MIB1: variants seen among roughly 807,000 people sequenced by gnomAD.
MIB1 encodes MIB E3 ubiquitin protein ligase 1, also known as E3 ubiquitin-protein ligase MIB1.
MIB1 carries 278 observed loss-of-function variants against 124.5 expected under a neutral mutation model. The ratio of observed to expected loss-of-function variants is 2.23; its 90% CI spans 2.02 to 2.47. The LOEUF is 2.47. MIB1 is among the 30% of genes most tolerant of loss of function. The pLI is 0.00. For synonymous variants in MIB1, 446 were observed against 429.4 expected (o/e 1.04, Z -0.48); for missense variants, 957 against 1,254.4 (o/e 0.76, Z 3.58).
chr18:21,862,262 A>C (rs1259377268), intron 20 of MIB1, among the ~76,000 whole-genome samples: 1 of 152,208 alleles, frequency 6.6e-6, no homozygotes, highest in Non-Finnish European at 1.5e-5. Context: ...TTAAGACAAA[A>C]ATGTGACAGT....
chr18:21,757,673 A>T (rs953214568), intron 1 of MIB1, among the ~76,000 whole-genome samples: 8 of 150,360 alleles, frequency 5.3e-5, no homozygotes, highest in African/African-American at 2.0e-4. Flanking sequence ...TTTAGTAGAG[A>T]CAGGGTTTCA....
At chr18:21,780,153 T>C (rs1446417198) in intron 6 of MIB1, among the ~76,000 whole-genome samples, 1 of 152,186 alleles carries the variant, frequency 6.6e-6, no homozygotes, top group Non-Finnish European at 1.5e-5. Context: ...GGGATACATG[T>C]GATATTTTCA....
chr18:21,733,315 G>A lies in MIB1; in HGVS notation n.167+28192G>A, dbSNP rs545031271. 7.9e-4 allele frequency among the ~76,000 whole-genome samples: 120 copies of A among 152,158 alleles called. No individual in the cohort carries two copies. In the South Asian group the frequency reaches 9.7e-3, roughly 12 times the overall value. The stretch of plus-strand genomic sequence containing the variant: ...GAGATGTTTATAATATTTTTTTGTG[G>A]GGGTTCATACTTTCCTACAGCCTTG... On this transcript the variant is annotated intron_variant and non_coding_transcript_variant, in intron 1 of 20. Coordinates refer to the MIB1 transcript ENST00000578646.
At chr18:21,773,838 C>A in intron 4 of MIB1, 110 bp downstream of exon 4, 1 of 619,510 alleles carries the variant, frequency 1.6e-6, no homozygotes, top group Non-Finnish European at 2.7e-6. Flanking sequence ...AGAACCTTTA[C>A]GTTTTTACTA....
At chr18:21,722,100 G>A (rs2146358776) in intron 1 of MIB1, among the ~76,000 whole-genome samples, 1 of 152,156 alleles carries the variant, frequency 6.6e-6, no homozygotes, top group East Asian at 1.9e-4. Flanking sequence ...TGTTGCCCAG[G>A]CTGGAGTGCA....
intron 5 of MIB1, 118 bp from the exon 6 acceptor site, chr18:21,779,363 C>T (rs1434544718): frequency 2.6e-6 from 2 of 779,420 alleles, no homozygotes; most frequent in Admixed American, 5.1e-5. Flanking sequence ...TTCTCAAGAC[C>T]TTTTAAAACT....
Position 21,803,977 on chromosome 18 carries a change from A to G in MIB1, c.1442A>G (p.Lys481Arg). 2 of 1,613,764 alleles carry G rather than the reference A, an allele frequency of 1.2e-6. No homozygotes were observed. Among genetic ancestry groups the G allele is most frequent in the Non-Finnish European group, 1.7e-6 (2 of 1,179,842 alleles). ...ASQNGHVDIL[K>R]LLLKQNVDVE... ...CAGAATGGACATGTTGACATTTTGA[A>G]GTTACTTTTGAAGCAAAACGTGGAT... Residue 481 changes from lysine to arginine, a missense_variant, in exon 10 of 21, where the codon AAG becomes AGG. By Grantham distance (26) the Lys-to-Arg change is conservative (BLOSUM62 2). Transcript: ENST00000261537.
intron 1 of MIB1, among the ~76,000 whole-genome samples, chr18:21,724,727 AATATATATAT>A (rs60650753): frequency 0.024 from 419 of 17,350 alleles, 10 homozygotes; most frequent in Non-Finnish European, 0.038. Flanking sequence ...AAAAAAAAAA[AATATATATAT>A]ATATATATAT....
chr18:21,729,397 C>T (rs541797538), intron 1 of MIB1, among the ~76,000 whole-genome samples: 105 of 152,218 alleles, frequency 6.9e-4, no homozygotes, highest in Non-Finnish European at 1.2e-3. Flanking sequence ...GACTTGATGT[C>T]TGATGAGGGC....
chr18:21,844,437 T>G (rs2042118337), intron 15 of MIB1, among the ~76,000 whole-genome samples, 184 bp downstream of exon 15: 1 of 152,134 alleles, frequency 6.6e-6, no homozygotes. Context: ...TTACCAAAAG[T>G]TGTTCAGTTC....
At chr18:21,709,204 G>A (rs1161140801) in intron 1 of MIB1, among the ~76,000 whole-genome samples, 1 of 151,524 alleles carries the variant, frequency 6.6e-6, no homozygotes, top group African/African-American at 2.4e-5. Flanking sequence ...TGTGGTCTCA[G>A]CTACTCAGGA....
At chr18:21,858,780 T>TAATA (rs1320146819) in intron 20 of MIB1, 134 bp downstream of exon 20, 1 of 551,988 alleles carries the variant, frequency 1.8e-6, no homozygotes, top group African/African-American at 1.9e-5. Context: ...TTGCAATGAG[T>TAATA]AATAATCTGA....
intron 1 of MIB1, among the ~76,000 whole-genome samples, chr18:21,763,636 A>T (rs2041124482): frequency 6.6e-6 from 1 of 151,976 alleles, no homozygotes; most frequent in African/African-American, 2.4e-5. Context: ...TCAGTTTATT[A>T]TACTGTTTAA....
At chr18:21,768,790 T>G in intron 3 of MIB1, 38 bp downstream of exon 3, 1 of 1,556,226 alleles carries the variant, frequency 6.4e-7, no homozygotes, top group East Asian at 2.3e-5. Context: ...TATTCTAGAG[T>G]ATTATATGTT....
At chr18:21,853,250 A>T in intron 18 of MIB1, 32 bp downstream of exon 18, 2 of 1,435,168 alleles carry the variant, frequency 1.4e-6, no homozygotes, top group Non-Finnish European at 1.9e-6. Flanking sequence ...CCTCAATATT[A>T]TTATAAAAAT....
chr18:21,744,368 G>T (rs1568183444), intron 1 of MIB1, among the ~76,000 whole-genome samples: 1 of 152,076 alleles, frequency 6.6e-6, no homozygotes, highest in Non-Finnish European at 1.5e-5. Flanking sequence ...ACTAGTAAGA[G>T]TTGCCTTTTG....
chr18:21,869,973 T>C lies in MIB1; in HGVS notation c.*5307T>C, dbSNP rs991146358. The C allele has an allele frequency of 1.3e-5, 2 of 152,356 alleles. No homozygotes were observed. The highest frequency in any genetic ancestry group is 2.9e-5 in the Non-Finnish European group (2 of 67,940). The allele number at this position is 152,356 out of a possible 1,614,324, so 9.4% of individuals were successfully genotyped here. ...AGCAAATTCAATGATAGCAGTTCAATTGACTCATAGCAGTGTTTTGTATTT... is the reference window on the plus strand; with the variant it reads ...AGCAAATTCAATGATAGCAGTTCAACTGACTCATAGCAGTGTTTTGTATTT... On this transcript the variant is annotated 3_prime_UTR_variant, in exon 21 of 21. Transcript: ENST00000261537.
Position 21,773,657 on chromosome 18 carries a change from C to G in MIB1, c.565C>G (p.Pro189Ala), listed in dbSNP as rs1175188523. 6.8e-6 allele frequency: 11 copies of G among 1,609,330 alleles called. No homozygotes were observed. Among genetic ancestry groups the G allele is most frequent in the Non-Finnish European group, 8.5e-6 (10 of 1,178,212 alleles). Reference protein sequence around the residue: ...TEIQDWSASSPHSAAYVLWDN... With the variant: ...TEIQDWSASSAHSAAYVLWDN... ...AATCCAGGACTGGAGTGCATCAAGC[C>G]CACATAGCGCAGCATATGTCCTCTG... Residue 189 changes from proline to alanine, a missense_variant, in exon 4 of 21, where the codon CCA becomes GCA. Pro to Ala is a conservative substitution (Grantham distance 27). Transcript: ENST00000261537.
At chr18:21,739,378 T>A (rs1806242966), upstream of MIB1, among the ~76,000 whole-genome samples, 1 of 152,114 alleles carries the variant, frequency 6.6e-6, no homozygotes, top group Non-Finnish European at 1.5e-5. Flanking sequence ...GCTGTTACTG[T>A]ACTTCCTAAA....
Sources: allele counts gnomAD v4.1 joint callset (sites outside exome capture counted in the v4.1 genomes callset), GRCh38; gene constraint gnomAD v4.1.1; transcripts MANE v1.5; gene names NCBI Gene and HGNC (gene_info 2026-07-23, HGNC 2026-07-21).